STAG3: variants seen among roughly 807,000 people sequenced by gnomAD.
STAG3 encodes cohesin subunit SA-3.
STAG3 carries 101 observed loss-of-function variants against 160.7 expected under a neutral mutation model. That is an observed-to-expected ratio of 0.63 (90% CI 0.54 to 0.74). The LOEUF (loss-of-function observed/expected upper bound fraction) is 0.74. STAG3 is among the 30% of genes least tolerant of loss of function. STAG3 has a pLI of 0.00. For synonymous variants in STAG3, 519 were observed against 585.0 expected (o/e 0.89, Z 1.63); for missense variants, 1,188 against 1,517.4 (o/e 0.78, Z 3.61).
intron 1 of STAG3, among the ~76,000 whole-genome samples, chr7:100,179,266 T>C (rs1375333373): frequency 6.6e-6 from 1 of 150,910 alleles, no homozygotes; most frequent in Non-Finnish European, 1.5e-5. Context: ...GGGTTTTGTT[T>C]TTTTTTTTTT....
At chr7:100,199,703 C>A in intron 16 of STAG3, 59 bp downstream of exon 16, 2 of 1,293,934 alleles carry the variant, frequency 1.5e-6, no homozygotes, top group Non-Finnish European at 1.1e-6. Context: ...AGGCAATGTG[C>A]ATCCTTATCC....
In STAG3 at chr7:100,180,507, C is replaced by A; in HGVS notation, c.-50C>A. ...TTCTTCCCCAGCTGGATCGCCATAC[C>A]TACCCTGTGGTCCTCATCTTCCTGG... On this transcript the variant is annotated 5_prime_UTR_variant, in exon 2 of 34. Coordinates refer to ENST00000615138, the MANE Select transcript of STAG3 (RefSeq NM_001282717.2). The A allele has an allele frequency of 9.0e-7, 1 of 1,109,230 alleles. No homozygotes were observed. Among genetic ancestry groups the A allele is most frequent in the Non-Finnish European group, 1.4e-6 (1 of 719,758 alleles). The allele number at this position is 1,109,230 out of a possible 1,614,324, so 68.7% of individuals were successfully genotyped here.
chr7:100,214,166 T>C lies in STAG3; in HGVS notation c.*151T>C. ...AGAGTTGGGCATTGTTTTTCTAACC[T>C]AACCTTTCCCTCTGGGGTAGAGAAG... On this transcript the variant is annotated 3_prime_UTR_variant, in exon 34 of 34. Coordinates refer to ENST00000615138, the MANE Select transcript of STAG3 (RefSeq NM_001282717.2). 8.8e-7 allele frequency: 1 copy of C among 1,132,832 alleles called. No individual in the cohort carries two copies. The highest frequency in any genetic ancestry group is 1.4e-5 in the South Asian group (1 of 71,490). The allele number at this position is 1,132,832 out of a possible 1,614,324, so 70.2% of individuals were successfully genotyped here. A position where few individuals can be genotyped will look rare whatever the true frequency, so the allele number is the denominator to read the frequency against.
intron 26 of STAG3, 83 bp from the exon 27 acceptor site, chr7:100,204,544 C>G (rs1801448611): frequency 2.0e-6 from 3 of 1,529,312 alleles, no homozygotes; most frequent in African/African-American, 1.4e-5. Flanking sequence ...TTTGGAATTT[C>G]TGAGTAGAGA....
At chr7:100,183,211 G>T (rs545230317) in intron 4 of STAG3, among the ~76,000 whole-genome samples, 2 of 152,106 alleles carry the variant, frequency 1.3e-5, no homozygotes, top group South Asian at 2.1e-4. Flanking sequence ...ATGGGGTTTC[G>T]CCATGTTGGC....
chr7:100,200,167 G>A, intron 16 of STAG3, 69 bp from the exon 17 acceptor site: 1 of 1,155,568 alleles, frequency 8.7e-7, no homozygotes. Context: ...ATGGGGAGGA[G>A]GACTGCACAC....
Position 100,189,032 on chromosome 7 carries a change from T to TA in STAG3, c.715+17dup. ...ACCCTGGCTGGTGAGCATTCATTTT[T>TA]ACTCTGGACATTCTCCTGGGGATTT... On this transcript the variant is annotated intron_variant, in intron 7 of 33. Coordinates refer to ENST00000615138, the MANE Select transcript of STAG3 (RefSeq NM_001282717.2). 2 of 1,613,522 alleles carry TA rather than the reference T, an allele frequency of 1.2e-6. No individual in the cohort carries two copies. Among genetic ancestry groups the TA allele is most frequent in the Non-Finnish European group, 1.7e-6 (2 of 1,179,632 alleles).
At chr7:100,183,254 TC>T (rs572861736) in intron 4 of STAG3, among the ~76,000 whole-genome samples, 64 of 152,304 alleles carry the variant, frequency 4.2e-4, no homozygotes, top group African/African-American at 1.5e-3. Flanking sequence ...CCTCAGGTGA[TC>T]CGCCCACCTT....
At position 100,214,103 on chromosome 7, in the gene STAG3, G is replaced by T; in HGVS notation, c.*88G>T. 6.5e-7 allele frequency: 1 copy of T among 1,531,568 alleles called. No homozygotes were observed. The highest frequency in any genetic ancestry group is 9.0e-7 in the Non-Finnish European group (1 of 1,111,752). 94.9% of individuals were successfully genotyped at this position (1,531,568 alleles called of 1,614,324 possible). On this transcript the variant is annotated 3_prime_UTR_variant, in exon 34 of 34. Transcript: ENST00000615138. ...GCAAAGAGAAAAGGAGCAAAATGAA[G>T]CATTCCCCCAGGCTTCAGCCCTGGG...
Position 100,188,900 on chromosome 7 carries a change from G to A in STAG3, c.599G>A (p.Cys200Tyr). ...TGTGAATTTGTGAGGACATTGGTCT[G>A]TCAGTGCCAGTACAGCCTCCTCTAT... ...SFCEFVRTLV[C>Y]QCQYSLLYDG... The change falls in exon 7 of 34, where the codon TGT becomes TAT. Residue 200 changes from cysteine (C) to tyrosine (Y), a missense_variant. Around this residue, in one of 4 missense-constraint regions of STAG3, gnomAD observed 296 missense variants for 404.0 expected, o/e 0.73. Transcript: ENST00000615138. 6.2e-7 allele frequency: 1 copy of A among 1,614,206 alleles called. No homozygotes were observed. Among genetic ancestry groups the A allele is most frequent in the Non-Finnish European group, 8.5e-7 (1 of 1,180,034 alleles).
chr7:100,182,671 T>G, intron 3 of STAG3, 52 bp from the exon 4 acceptor site: 1 of 1,597,594 alleles, frequency 6.3e-7, no homozygotes, highest in Non-Finnish European at 8.6e-7. Flanking sequence ...TTAATGTCAC[T>G]GTTACCTTTT....
downstream of STAG3, among the ~76,000 whole-genome samples, chr7:100,217,762 C>T (rs1269617852): frequency 2.6e-5 from 4 of 152,246 alleles, no homozygotes; most frequent in East Asian, 1.9e-4. Flanking sequence ...GAGAGGACAG[C>T]TTACATCATT....
intron 29 of STAG3, among the ~76,000 whole-genome samples, chr7:100,206,883 G>T (rs564839079): frequency 5.9e-5 from 9 of 152,178 alleles, no homozygotes; most frequent in Non-Finnish European, 1.2e-4. Flanking sequence ...ATACCCATTC[G>T]CAGTCTCTGC....
At chr7:100,178,402 C>T (rs1396236159) in intron 1 of STAG3, among the ~76,000 whole-genome samples, 2 of 152,100 alleles carry the variant, frequency 1.3e-5, no homozygotes, top group Admixed American at 1.3e-4. Context: ...AGGTGCTAGT[C>T]CTCTGGAAAC....
chr7:100,189,029 T>C lies in STAG3; in HGVS notation c.715+13T>C. On this transcript the variant is annotated intron_variant, in intron 7 of 33. Coordinates refer to ENST00000615138, the MANE Select transcript of STAG3 (RefSeq NM_001282717.2). ...AGCACCCTGGCTGGTGAGCATTCAT[T>C]TTTACTCTGGACATTCTCCTGGGGA... 6.2e-7 allele frequency: 1 copy of C among 1,613,746 alleles called. No homozygotes were observed. Among genetic ancestry groups the C allele is most frequent in the Non-Finnish European group, 8.5e-7 (1 of 1,179,842 alleles).
chr7:100,178,239 C>T (rs530183008), intron 1 of STAG3, among the ~76,000 whole-genome samples: 94 of 152,270 alleles, frequency 6.2e-4, no homozygotes, highest in Admixed American at 2.2e-3. Flanking sequence ...ATCCTGGAGC[C>T]GCTTACCCCA....
At chr7:100,190,771 T>G (rs540222746) in intron 8 of STAG3, among the ~76,000 whole-genome samples, 1 of 152,310 alleles carries the variant, frequency 6.6e-6, no homozygotes, top group Non-Finnish European at 1.5e-5. Flanking sequence ...TCCAACTAAC[T>G]GAATCCTTTT....
chr7:100,179,941 G>A (rs1167631362), intron 1 of STAG3, among the ~76,000 whole-genome samples: 1 of 152,160 alleles, frequency 6.6e-6, no homozygotes, highest in Non-Finnish European at 1.5e-5. Flanking sequence ...CTCCATGTTG[G>A]TCAGGCTGGT....
downstream of STAG3, among the ~76,000 whole-genome samples, chr7:100,217,130 C>T (rs886178558): frequency 2.0e-5 from 3 of 152,246 alleles, no homozygotes; most frequent in African/African-American, 7.2e-5. Flanking sequence ...TACACTTGAT[C>T]TTGGCCAAAA....
Sources: gnomAD v4.1 joint callset for allele counts (sites outside exome capture counted in the v4.1 genomes callset) on GRCh38, gnomAD v4.1.1 for gene constraint, gnomAD v4.1.1 regional missense constraint, MANE v1.5 for transcripts, NCBI Gene and HGNC (gene_info 2026-07-23, HGNC 2026-07-21) for gene names.